The following PIH1D2 variants were observed in gnomAD, a reference collection of about 807,000 sequenced individuals.
PIH1D2 encodes PIH1 domain-containing protein 2.
A neutral mutation model predicts 31.2 loss-of-function variants in PIH1D2; 25 were observed. That is an observed-to-expected ratio of 0.80 (90% CI 0.58 to 1.12). The LOEUF is 1.12. PIH1D2 is among the 50% of genes most tolerant of loss of function. The pLI, the probability that PIH1D2 is intolerant of heterozygous loss-of-function variation, is 0.00. For missense variants in PIH1D2, 310 were observed against 356.6 expected (o/e 0.87, Z 1.05); for synonymous variants, 116 against 119.9 (o/e 0.97, Z 0.21).
At position 112,070,589 on chromosome 11, in the gene PIH1D2, C is replaced by T; in HGVS notation, c.660G>A (p.Glu220=). 6.2e-7 allele frequency: 1 copy of T among 1,614,126 alleles called. No homozygotes were observed. Among genetic ancestry groups the T allele is most frequent in the East Asian group, 2.2e-5 (1 of 44,870 alleles). Residue 220 remains glutamate, a synonymous_variant, in exon 5 of 6, where the codon GAG becomes GAA. Transcript: ENST00000280350. ...VSGKAVCLIE[E]ISSTEIQVEM... The stretch of plus-strand genomic sequence containing the variant: ...CCACCTGGATTTCAGTACTGGAAAT[C>T]TCTTCTATCAGACACACTGCTTTGC...
At chr11:112,059,881 A>G (rs1253932401), downstream of PIH1D2, 4 of 1,548,304 alleles carry the variant, frequency 2.6e-6, no homozygotes, top group African/African-American at 2.8e-5. Context: ...TTTTTATTAT[A>G]TTTATTTTTC....
At chr11:112,067,685 A>AAAAAAAAATATATATAT, downstream of PIH1D2, 2 of 17,800 alleles carry the variant, frequency 1.1e-4, no homozygotes, top group Non-Finnish European at 2.2e-4. Context: ...AAAAAAAAAA[A>AAAAAAAAATATATATAT]ATATATATAT....
At chr11:112,062,664 A>C (rs1207190689), downstream of PIH1D2, 27 of 1,123,818 alleles carry the variant, frequency 2.4e-5, no homozygotes, top group Non-Finnish European at 3.3e-5. Context: ...TGTCCAGATA[A>C]GTTATTTATA....
chr11:112,065,511 T>G (rs1236122098), downstream of PIH1D2, among the ~76,000 whole-genome samples: 2 of 152,118 alleles, frequency 1.3e-5, no homozygotes, highest in Non-Finnish European at 2.9e-5. Flanking sequence ...GGCACTCAGT[T>G]TTTTTGAGGG....
chr11:112,069,256 G>A (rs1356536170), intron 5 of PIH1D2, among the ~76,000 whole-genome samples: 7 of 151,594 alleles, frequency 4.6e-5, no homozygotes, highest in Non-Finnish European at 7.4e-5. Context: ...ACCCCCCTTC[G>A]GCCTCCCAAA....
At chr11:112,065,227 G>C (rs1199923104), downstream of PIH1D2, among the ~76,000 whole-genome samples, 1 of 152,030 alleles carries the variant, frequency 6.6e-6, no homozygotes, top group Non-Finnish European at 1.5e-5. Flanking sequence ...GCCCTTACTG[G>C]GCCCCATTTT....
downstream of PIH1D2, chr11:112,067,685 A>AAAAAAAAATATATATATATATATAT: frequency 5.6e-5 from 1 of 17,804 alleles, no homozygotes; most frequent in African/African-American, 1.7e-4. Context: ...AAAAAAAAAA[A>AAAAAAAAATATATATATATATATAT]ATATATATAT....
chr11:112,073,289 G>T, intron 1 of PIH1D2, 84 bp from the exon 2 acceptor site: 1 of 978,238 alleles, frequency 1.0e-6, no homozygotes, highest in Non-Finnish European at 1.5e-6. Context: ...AATGGGTCAG[G>T]AATTGTTTTG....
downstream of PIH1D2, among the ~76,000 whole-genome samples, chr11:112,061,791 G>A (rs1207816587): frequency 6.6e-6 from 1 of 152,098 alleles, no homozygotes; most frequent in East Asian, 1.9e-4. Flanking sequence ...CACCATGTAG[G>A]CCAGGCTGGT....
At chr11:112,068,494 G>T (rs1167749891) in intron 5 of PIH1D2, among the ~76,000 whole-genome samples, 1 of 152,114 alleles carries the variant, frequency 6.6e-6, no homozygotes, top group Non-Finnish European at 1.5e-5. Context: ...CAAATTAAAA[G>T]GGAATTGGCT....
chr11:112,061,063 T>C (rs1566642089), downstream of PIH1D2: 10 of 1,609,154 alleles, frequency 6.2e-6, no homozygotes, highest in Non-Finnish European at 8.5e-6. Flanking sequence ...ATCTCCAATT[T>C]AGGAATGTTT....
downstream of PIH1D2, chr11:112,063,853 A>T (rs757760280): frequency 4.5e-6 from 1 of 220,346 alleles, no homozygotes; most frequent in Non-Finnish European, 8.8e-6. Flanking sequence ...GTTTTAATAA[A>T]CGTTTGAAAT....
At chr11:112,072,824 A>T in intron 2 of PIH1D2, 174 bp downstream of exon 2, 1 of 675,302 alleles carries the variant, frequency 1.5e-6, no homozygotes, top group Non-Finnish European at 2.3e-6. Context: ...AGACCACACC[A>T]TTGCACTCCA....
the PIH1D2 span, among the ~76,000 whole-genome samples, chr11:112,056,542 T>C: frequency 2.6e-5 from 4 of 152,238 alleles, no homozygotes; most frequent in Non-Finnish European, 4.4e-5. Flanking sequence ...TATTGCTGTA[T>C]AGTGTTTAAT....
At chr11:112,052,836 A>G in the PIH1D2 span, among the ~76,000 whole-genome samples, 3 of 152,258 alleles carry the variant, frequency 2.0e-5, no homozygotes, top group South Asian at 6.2e-4. Flanking sequence ...TGACCCTTCC[A>G]GTGACTGGCG....
At chr11:112,069,622 A>G (rs930557024) in intron 5 of PIH1D2, 5 of 152,228 alleles carry the variant, frequency 3.3e-5, no homozygotes, top group African/African-American at 9.7e-5. Flanking sequence ...GGGAAAAAAA[A>G]AGAAAACATC....
At chr11:112,072,849 TA>T in intron 2 of PIH1D2, 148 bp downstream of exon 2, 1 of 886,708 alleles carries the variant, frequency 1.1e-6, no homozygotes, top group South Asian at 2.1e-5. Context: ...GGTGACAAAG[TA>T]AGACTCTGTC....
At chr11:112,070,378 AAT>A in intron 5 of PIH1D2, 56 bp downstream of exon 5, 3 of 1,558,394 alleles carry the variant, frequency 1.9e-6, no homozygotes, top group East Asian at 4.5e-5. Flanking sequence ...ACTGTGGCAT[AAT>A]ATATGTTAGT....
downstream of PIH1D2, among the ~76,000 whole-genome samples, chr11:112,066,419 T>A (rs587715511): frequency 2.0e-5 from 3 of 152,186 alleles, no homozygotes; most frequent in Admixed American, 2.0e-4. Flanking sequence ...GGCAGGCGGA[T>A]CACCTGAGGT....
Sources: gnomAD v4.1 joint callset for allele counts (sites outside exome capture counted in the v4.1 genomes callset) on GRCh38, gnomAD v4.1.1 for gene constraint, MANE v1.5 for transcripts, NCBI Gene and HGNC (gene_info 2026-07-23, HGNC 2026-07-21) for gene names.